Variants in PDE4B observed in about 807,000 individuals in gnomAD.
PDE4B encodes 3',5'-cyclic-AMP phosphodiesterase 4B.
A neutral mutation model predicts 82.2 loss-of-function variants in PDE4B; 20 were observed. The observed-to-expected ratio is 0.24, with a 90% CI of 0.17 to 0.35. PDE4B has a LOEUF of 0.35. Ranked by LOEUF, PDE4B falls within the 10% of genes least tolerant of loss-of-function variation. PDE4B has a pLI of 1.00. For synonymous variants in PDE4B, 320 were observed against 318.9 expected (o/e 1.00, Z -0.04); for missense variants, 655 against 907.2 (o/e 0.72, Z 3.57).
chr1:66,180,691 A>G (rs582104), intron 3 of PDE4B, among the ~76,000 whole-genome samples: 78,497 of 152,000 alleles, frequency 0.52, 21,497 homozygotes, highest in African/African-American at 0.71. Context: ...ATTTGGGCCG[A>G]CCACTGGCAG....
intron 3 of PDE4B, among the ~76,000 whole-genome samples, chr1:66,146,436 G>A (rs955831590): frequency 4.6e-5 from 7 of 151,840 alleles, no homozygotes; most frequent in Admixed American, 2.0e-4. Flanking sequence ...TGCCCATCTC[G>A]GCCTCCCAAA....
chr1:66,269,794 A>G (rs1205099743), intron 7 of PDE4B, among the ~76,000 whole-genome samples: 4 of 152,212 alleles, frequency 2.6e-5, no homozygotes, highest in Non-Finnish European at 5.9e-5. Flanking sequence ...TCTTTACAAA[A>G]TGATTTTTTT....
intron 3 of PDE4B, among the ~76,000 whole-genome samples, chr1:66,007,351 G>A (rs147392359): frequency 0.039 from 6,000 of 152,142 alleles, 405 homozygotes; most frequent in African/African-American, 0.14. Flanking sequence ...GGCTGAGGTG[G>A]GAGAATTGCT....
intron 3 of PDE4B, chr1:65,992,372 T>G (rs1418703737): frequency 6.6e-6 from 1 of 152,374 alleles, no homozygotes; most frequent in East Asian, 1.9e-4. Flanking sequence ...GGAGTTACTG[T>G]TGTGTGCATT....
chr1:66,198,385 A>G (rs1419077831), intron 3 of PDE4B, among the ~76,000 whole-genome samples: 2 of 152,146 alleles, frequency 1.3e-5, no homozygotes, highest in Admixed American at 6.6e-5. Flanking sequence ...GAAAATTTAT[A>G]AAAGTAACAA....
chr1:66,199,958 C>G (rs1244276004), intron 3 of PDE4B, among the ~76,000 whole-genome samples: 1 of 152,114 alleles, frequency 6.6e-6, no homozygotes, highest in Admixed American at 6.5e-5. Flanking sequence ...AGGTTTTCTT[C>G]TAGGGTTTTT....
chr1:66,030,037 G>GTT (rs5774786), intron 3 of PDE4B, among the ~76,000 whole-genome samples: 87,667 of 144,164 alleles, frequency 0.61, 26,771 homozygotes, highest in East Asian at 0.71. Flanking sequence ...TCTGTTGAGG[G>GTT]TTTTTTTTTT....
chr1:65,887,663 C>T (rs1646806488), intron 1 of PDE4B, among the ~76,000 whole-genome samples: 2 of 151,706 alleles, frequency 1.3e-5, no homozygotes, highest in Non-Finnish European at 2.9e-5. Flanking sequence ...AGCAATCCAC[C>T]TGCCTCGGCC....
intron 3 of PDE4B, among the ~76,000 whole-genome samples, chr1:66,179,368 TG>T (rs1296127802): frequency 6.6e-6 from 1 of 152,090 alleles, no homozygotes; most frequent in Non-Finnish European, 1.5e-5. Flanking sequence ...GCATATGAGA[TG>T]GGTAGCAACA....
chr1:66,017,445 C>A (rs1416418733), intron 3 of PDE4B, among the ~76,000 whole-genome samples: 1 of 152,172 alleles, frequency 6.6e-6, no homozygotes. Flanking sequence ...GTTTATTTAG[C>A]ATTTCTATAA....
At position 66,274,721 on chromosome 1, in the gene PDE4B, T is replaced by A. The variant is rs114084241; in HGVS notation, c.634+8634T>A. 9.9e-3 allele frequency among the ~76,000 whole-genome samples: 1,505 copies of A among 152,308 alleles called. 18 individuals are homozygous for A. Among genetic ancestry groups the A allele is most frequent in the African/African-American group, 0.035 (1,446 of 41,558 alleles). On this transcript the variant is annotated intron_variant, in intron 7 of 16. Transcript: ENST00000341517. ...TAAATATGTTAACATGTATAAAGCA[T>A]GTAGAAAGTCCCAGTGTTAGTATTG...
intron 3 of PDE4B, among the ~76,000 whole-genome samples, chr1:66,114,849 C>T (rs954933880): frequency 4.6e-5 from 7 of 151,888 alleles, no homozygotes; most frequent in African/African-American, 9.7e-5. Flanking sequence ...GTGGCCAGGC[C>T]GGTCTCGAAC....
chr1:66,367,919 G>A, intron 14 of PDE4B, 24 bp from the exon 15 acceptor site: 2 of 1,613,226 alleles, frequency 1.2e-6, no homozygotes, highest in South Asian at 1.1e-5. Flanking sequence ...TTTATTAAGA[G>A]TTTTCATTTT....
intron 3 of PDE4B, among the ~76,000 whole-genome samples, chr1:66,081,818 CTCTCTCTCTCTCTCTG>C (rs1484759117): frequency 3.9e-4 from 26 of 67,136 alleles, no homozygotes; most frequent in African/African-American, 1.3e-3. Flanking sequence ...CTCTCTCTCT[CTCTCTCTCTCTCTCTG>C]TGTGTGTGTG....
chr1:65,946,567 G>A (rs111887094), intron 3 of PDE4B, among the ~76,000 whole-genome samples: 65 of 151,890 alleles, frequency 4.3e-4, no homozygotes, highest in African/African-American at 1.4e-3. Flanking sequence ...TCCATGGTTT[G>A]TTACTCATTT....
At chr1:66,247,411 C>T (rs770078053) in intron 3 of PDE4B, 49 bp from the exon 4 acceptor site, 37 of 1,331,840 alleles carry the variant, frequency 2.8e-5, no homozygotes, top group Non-Finnish European at 2.1e-6. Context: ...TACTATGTGT[C>T]CTCCTCCATG....
intron 1 of PDE4B, among the ~76,000 whole-genome samples, chr1:65,809,181 A>C (rs1481036202): frequency 6.6e-6 from 1 of 151,904 alleles, no homozygotes; most frequent in East Asian, 1.9e-4. Context: ...AAATACAAAA[A>C]TTAGCTGGGC....
At chr1:65,971,363 T>C (rs1187946322) in intron 3 of PDE4B, among the ~76,000 whole-genome samples, 1 of 152,282 alleles carries the variant, frequency 6.6e-6, no homozygotes, top group South Asian at 2.1e-4. Flanking sequence ...GAAGTACCAA[T>C]GCATTTTCTA....
intron 7 of PDE4B, among the ~76,000 whole-genome samples, chr1:66,269,498 T>C (rs1486690548): frequency 1.3e-5 from 2 of 152,036 alleles, no homozygotes; most frequent in African/African-American, 4.8e-5. Context: ...TGCTCAAGGA[T>C]TGAAACAGAA....
Sources: gnomAD v4.1 joint callset for allele counts (sites outside exome capture counted in the v4.1 genomes callset) on GRCh38, gnomAD v4.1.1 for gene constraint, MANE v1.5 for transcripts, NCBI Gene and HGNC (gene_info 2026-07-23, HGNC 2026-07-21) for gene names.